The following PLA2G4D variants were observed in gnomAD, a reference collection of about 807,000 sequenced individuals.
The protein encoded by PLA2G4D is cytosolic phospholipase A2 delta.
A neutral mutation model predicts 94.4 loss-of-function variants in PLA2G4D; 80 were observed. The observed-to-expected ratio is 0.85, with a 90% CI of 0.71 to 1.02. The LOEUF (loss-of-function observed/expected upper bound fraction) is 1.02. Among genes scored for constraint, PLA2G4D ranks in the 50% least tolerant of loss-of-function variants. The pLI is 0.00. For missense variants in PLA2G4D, 1,050 were observed against 1,034.7 expected (o/e 1.01, Z -0.20); for synonymous variants, 438 against 440.9 (o/e 0.99, Z 0.08).
At position 42,083,716 on chromosome 15, in the gene PLA2G4D, C is replaced by G. The variant is rs771287523; in HGVS notation, c.535G>C (p.Asp179His). The change falls in exon 7 of 20, where the codon GAT becomes CAT. Residue 179 changes from aspartate (D) to histidine (H), a missense_variant and splice_region_variant. Coordinates refer to ENST00000290472, the MANE Select transcript of PLA2G4D (RefSeq NM_178034.4). The stretch of plus-strand genomic sequence containing the variant: ...AGGCCTGGTTCTAAGCTGGTCTCAC[C>G]TGCAACCACAGCGGTGCTCCCTGTG... ...DSTGSTAVVADQDKLELELVL... is the reference protein window; with the variant it reads ...DSTGSTAVVAHQDKLELELVL... The G allele has an allele frequency of 6.2e-7, 1 of 1,613,934 alleles. No homozygotes were observed. The highest frequency in any genetic ancestry group is 1.3e-5 in the African/African-American group (1 of 74,946).
At position 42,094,510 on chromosome 15, in the gene PLA2G4D, T is replaced by C. The variant is rs374969260; in HGVS notation, c.-51A>G. On this transcript the variant is annotated 5_prime_UTR_variant, in exon 1 of 20. Transcript: ENST00000290472. ...GCCCAGCCCTTGCCAAGATGCTGGC[T>C]CTCTGGCTGAGTGGCAGCGACGGTC... is the stretch of plus-strand genomic sequence containing the variant. 5.6e-6 allele frequency: 9 copies of C among 1,608,278 alleles called. No homozygotes were observed. Among genetic ancestry groups the C allele is most frequent in the Non-Finnish European group, 6.8e-6 (8 of 1,175,128 alleles).
intron 18 of PLA2G4D, chr15:42,070,491 T>C: frequency 1.7e-6 from 1 of 576,888 alleles, no homozygotes; most frequent in South Asian, 2.3e-5. Flanking sequence ...TTGGAGTAGG[T>C]GTGGGGAGGT....
chr15:42,081,748 T>G, intron 10 of PLA2G4D, 49 bp downstream of exon 10: 1 of 1,613,728 alleles, frequency 6.2e-7, no homozygotes, highest in Non-Finnish European at 8.5e-7. Flanking sequence ...AGCCCTCCCC[T>G]CCTGCATGCC....
intron 13 of PLA2G4D, 147 bp from the exon 14 acceptor site, chr15:42,072,539 T>C: frequency 1.5e-6 from 1 of 656,766 alleles, no homozygotes; most frequent in Non-Finnish European, 2.7e-6. Flanking sequence ...TGTGGGTCAG[T>C]TCCCACTCCT....
At chr15:42,072,702 T>C (rs1233428674) in intron 13 of PLA2G4D, among the ~76,000 whole-genome samples, 1 of 152,150 alleles carries the variant, frequency 6.6e-6, no homozygotes, top group African/African-American at 2.4e-5. Flanking sequence ...GAAGTGGGTG[T>C]GGATACTGAC....
chr15:42,081,521 C>G lies in PLA2G4D; in HGVS notation c.915G>C (p.Leu305=), dbSNP rs767431538. 5 of 1,614,206 alleles carry G rather than the reference C, an allele frequency of 3.1e-6. No homozygotes were observed. The highest frequency in any genetic ancestry group is 3.4e-6 in the Non-Finnish European group (4 of 1,180,022). ...CTCTGTCCAGCTGCAGGGCCTGCTT[C>G]AGGGCCTTGGCCACCACCTGCTTCC... ...SRRKQVVAKA[L]KQALQLDRDL... The change falls in exon 11 of 20, where the codon CTG becomes CTC. Residue 305 remains leucine (L), a synonymous_variant. Transcript: ENST00000290472.
intron 1 of PLA2G4D, among the ~76,000 whole-genome samples, chr15:42,089,594 A>C (rs570044376): frequency 1.3e-5 from 2 of 152,042 alleles, no homozygotes; most frequent in African/African-American, 4.8e-5. Context: ...GATTTCATGA[A>C]CTTTGGGACA....
chr15:42,087,589 C>G, intron 2 of PLA2G4D, 39 bp downstream of exon 2: 5 of 1,612,690 alleles, frequency 3.1e-6, no homozygotes, highest in Non-Finnish European at 4.2e-6. Context: ...GGATCTGGTC[C>G]TCCCTGCTCC....
Position 42,081,484 on chromosome 15 carries a change from C to G in PLA2G4D, c.952G>C (p.Asp318His). Residue 318 changes from aspartate (D) to histidine (H), a missense_variant, in exon 11 of 20, where the codon GAT becomes CAT. Physicochemically the swap from Asp to His is moderately conservative, Grantham distance 81. Coordinates refer to ENST00000290472, the MANE Select transcript of PLA2G4D (RefSeq NM_178034.4). ...ATCCCTCTGCACCCCCAGACCTCATCCTCCTGCAGGTCTCTGTCCAGCTGC... is the reference window on the plus strand; with the variant it reads ...ATCCCTCTGCACCCCCAGACCTCATGCTCCTGCAGGTCTCTGTCCAGCTGC... ...ALQLDRDLQE[D>H]EVPVVGIMAT... 6.2e-7 allele frequency: 1 copy of G among 1,613,728 alleles called. No homozygotes were observed. The highest frequency in any genetic ancestry group is 8.5e-7 in the Non-Finnish European group (1 of 1,179,772).
In PLA2G4D at chr15:42,077,349, C is replaced by T. The variant is rs189748845; in HGVS notation, c.1317+2188G>A. ...AAGTTCTCGACAAAATACTATCATA[C>T]GAAATTCAGCAACACATCAAAAAGA... is the stretch of plus-strand genomic sequence containing the variant. On this transcript the variant is annotated intron_variant, in intron 13 of 19. Transcript: ENST00000290472. Among the ~76,000 whole-genome samples, 286 of 152,282 alleles carry T rather than the reference C, an allele frequency of 1.9e-3. 1 individual carries two copies. Among genetic ancestry groups the T allele is most frequent in the African/African-American group, 6.5e-3 (271 of 41,556 alleles).
In PLA2G4D at chr15:42,072,349, C is replaced by T. The variant is rs746619074; in HGVS notation, c.1361G>A (p.Arg454Gln). 9 of 1,613,424 alleles carry T rather than the reference C, an allele frequency of 5.6e-6. No individual in the cohort carries two copies. The highest frequency in any genetic ancestry group is 5.0e-5 in the Admixed American group (3 of 59,994). Residue 454 changes from arginine (R) to glutamine (Q), a missense_variant, in exon 14 of 20, where the codon CGG (arginine) becomes CAG (glutamine). By Grantham distance (43) the Arg-to-Gln change is conservative. Transcript: ENST00000290472. ...GTAGAGGGGCAGAGGGTTCTGACCCCGTTCCAGGGCGGCTCTCTGTCCTGA... is the reference window on the plus strand; with the variant it reads ...GTAGAGGGGCAGAGGGTTCTGACCCTGTTCCAGGGCGGCTCTCTGTCCTGA... Reference protein sequence around the residue: ...KLSGQRAALERGQNPLPLYLS... With the variant: ...KLSGQRAALEQGQNPLPLYLS...
rs57207988 is a variant in PLA2G4D at position 42,091,402 on chromosome 15, T to C, written c.45+3013A>G. Among the ~76,000 whole-genome samples, 1,107 of 152,302 alleles carry C rather than the reference T, an allele frequency of 7.3e-3. 15 individuals are homozygous for C. Among genetic ancestry groups the C allele is most frequent in the African/African-American group, 0.026 (1,073 of 41,560 alleles). ...GGAGCTGAGGGGACACAGTGAGAAG[T>C]GACCAGAAGACAAGAGTGCGAGCCT... On this transcript the variant is annotated intron_variant, in intron 1 of 19. Coordinates refer to ENST00000290472, the MANE Select transcript of PLA2G4D (RefSeq NM_178034.4).
intron 1 of PLA2G4D, among the ~76,000 whole-genome samples, chr15:42,092,978 G>C (rs1039732042): frequency 2.0e-5 from 3 of 152,210 alleles, no homozygotes; most frequent in African/African-American, 7.2e-5. Flanking sequence ...AGAGAGAAGA[G>C]GAGTGGAACC....
At chr15:42,073,831 C>T (rs754234489) in intron 13 of PLA2G4D, among the ~76,000 whole-genome samples, 2 of 152,178 alleles carry the variant, frequency 1.3e-5, no homozygotes, top group Non-Finnish European at 2.9e-5. Flanking sequence ...ACATCCATGG[C>T]GAAACTCAAC....
At chr15:42,085,466 C>T (rs200154275) in intron 5 of PLA2G4D, 25 bp downstream of exon 5, 1 of 1,613,376 alleles carries the variant, frequency 6.2e-7, no homozygotes, top group Non-Finnish European at 8.5e-7. Context: ...CTGAGACACT[C>T]CCTGGGCTGT....
intron 1 of PLA2G4D, 67 bp from the exon 2 acceptor site, chr15:42,087,767 G>A (rs1021729381): frequency 3.3e-4 from 499 of 1,522,178 alleles, no homozygotes; most frequent in Non-Finnish European, 4.0e-4. Flanking sequence ...GCTGCAGCCC[G>A]GGCTGCCGAC....
In PLA2G4D at chr15:42,071,184, G is replaced by T; in HGVS notation, c.1815C>A (p.Phe605Leu). The T allele has an allele frequency of 6.2e-7, 1 of 1,613,712 alleles. No individual in the cohort carries two copies. The highest frequency in any genetic ancestry group is 1.1e-5 in the South Asian group (1 of 91,060). Residue 605 changes from phenylalanine (F) to leucine (L), a missense_variant, in exon 17 of 20, where the codon TTC becomes TTA. Phe to Leu is a conservative substitution (Grantham distance 22). Transcript: ENST00000290472. The stretch of plus-strand genomic sequence containing the variant: ...CCTGGTGCAGCTGGAGGCCCTGGAG[G>T]AAGTTGGGGCTGCGCTGGTGGAGGG... The part of the protein sequence containing the change: ...GRPLHQRSPN[F>L]LQGLQLHQDY...
chr15:42,068,757 C>A lies in PLA2G4D; in HGVS notation c.2415G>T (p.Lys805Asn). Residue 805 changes from lysine (K) to asparagine (N), a missense_variant, in exon 20 of 20, where the codon AAG becomes AAT. Physicochemically the swap from Lys to Asn is moderately conservative, Grantham distance 94 (BLOSUM62 0). Coordinates refer to ENST00000290472, the MANE Select transcript of PLA2G4D (RefSeq NM_178034.4). ...GAGGCCTCGCCTCTAGAGTCCGGTG[C>A]TTCAGCGCGGTCCTCAGGGCCTGCA... ...AILQALRTAL[K>N]HRTLEARPPR... 1 of 1,612,058 alleles carries A rather than the reference C, an allele frequency of 6.2e-7. No individual in the cohort carries two copies. Among genetic ancestry groups the A allele is most frequent in the South Asian group, 1.1e-5 (1 of 90,580 alleles).
At chr15:42,082,767 G>C (rs1890063069) in intron 8 of PLA2G4D, among the ~76,000 whole-genome samples, 3 of 152,110 alleles carry the variant, frequency 2.0e-5, no homozygotes. Flanking sequence ...TGTTGAGGAG[G>C]AGGAGGAGGA....
Sources: allele counts gnomAD v4.1 joint callset (sites outside exome capture counted in the v4.1 genomes callset), GRCh38; gene constraint gnomAD v4.1.1; transcripts MANE v1.5; gene names NCBI Gene and HGNC (gene_info 2026-07-23, HGNC 2026-07-21).